FBXO21: variants seen among roughly 807,000 people sequenced by gnomAD.
The protein encoded by FBXO21 is F-box protein 21.
FBXO21 carries 32 observed loss-of-function variants against 76.6 expected under a neutral mutation model. That is an observed-to-expected ratio of 0.42 (90% CI 0.32 to 0.56). The LOEUF is 0.56. Among genes scored for constraint, FBXO21 ranks in the 20% least tolerant of loss-of-function variants. The probability of loss-of-function intolerance (pLI) is 0.16; values close to 1 mark genes in which losing one functional copy is unlikely to be tolerated. For missense variants in FBXO21, 586 were observed against 797.3 expected (o/e 0.73, Z 3.19); for synonymous variants, 328 against 311.5 (o/e 1.05, Z -0.56).
chr12:117,186,249 C>T (rs1956282701), intron 3 of FBXO21, among the ~76,000 whole-genome samples: 1 of 152,156 alleles, frequency 6.6e-6, no homozygotes, highest in South Asian at 2.1e-4. Flanking sequence ...CATAGTAGTG[C>T]TAAACATTAA....
At chr12:117,151,498 G>A (rs75987440) in intron 11 of FBXO21, among the ~76,000 whole-genome samples, 3,495 of 152,150 alleles carry the variant, frequency 0.023, 132 homozygotes, top group African/African-American at 0.08. Context: ...GTTCTACCTG[G>A]GCTAATAGGA....
At chr12:117,170,748 T>A (rs1457018609) in intron 7 of FBXO21, among the ~76,000 whole-genome samples, 2 of 152,234 alleles carry the variant, frequency 1.3e-5, no homozygotes, top group African/African-American at 4.8e-5. Flanking sequence ...CATACAATCC[T>A]ACCCTGTAGT....
rs141047469 is a variant in FBXO21, at chr12:117,185,909, G to A, written c.470+568C>T. On this transcript the variant is annotated intron_variant, in intron 3 of 11. Transcript: ENST00000622495. ...TTTTATGAGACGAAGTCTTGCTCTT[G>A]TCCCCCAGTCTGGAGTGCAATGGTG... is the stretch of plus-strand genomic sequence containing the variant. Among the ~76,000 whole-genome samples, 459 of 152,170 alleles carry A rather than the reference G, an allele frequency of 3.0e-3. 3 individuals are homozygous for A. The highest frequency in any genetic ancestry group is 0.011 in the African/African-American group (443 of 41,506).
At chr12:117,150,999 TG>T (rs1955836020) in intron 11 of FBXO21, among the ~76,000 whole-genome samples, 1 of 125,380 alleles carries the variant, frequency 8.0e-6, no homozygotes, top group South Asian at 2.6e-4. Flanking sequence ...TGTGTGTGTG[TG>T]TGTCGGGCGG....
chr12:117,181,639 A>ATCTG, intron 3 of FBXO21, among the ~76,000 whole-genome samples: 1 of 150,646 alleles, frequency 6.6e-6, no homozygotes, highest in Admixed American at 6.6e-5. Context: ...CTATCTATCT[A>ATCTG]TCTATCTAAT....
In FBXO21 at chr12:117,146,165, C is replaced by T. The variant is rs762203194; in HGVS notation, c.1788G>A (p.Arg596=). ...AGACAAACTCCAGATCTTCTGGATA[C>T]CGGATCTCCAGCTCTGCGTTTGGGA... ...HYIPNAELEI[R]YPEDLEFVYE... The change falls in exon 12 of 12, where the codon CGG becomes CGA. Residue 596 remains arginine (R), a synonymous_variant. Coordinates refer to ENST00000622495, the MANE Select transcript of FBXO21 (RefSeq NM_015002.3). 6.2e-7 allele frequency: 1 copy of T among 1,613,834 alleles called. No homozygotes were observed.
intron 1 of FBXO21, among the ~76,000 whole-genome samples, chr12:117,189,885 G>C (rs1013679358): frequency 2.6e-5 from 4 of 152,162 alleles, no homozygotes; most frequent in Admixed American, 6.5e-5. Context: ...CCGCCCGATC[G>C]ATGCATCACT....
chr12:117,182,562 A>AT (rs1162348126), intron 3 of FBXO21, among the ~76,000 whole-genome samples: 12 of 81,326 alleles, frequency 1.5e-4, no homozygotes, highest in African/African-American at 4.1e-4. Flanking sequence ...CAGCAAGAGG[A>AT]TCTTTTTTTT....
chr12:117,158,228 T>C, intron 9 of FBXO21, 165 bp from the exon 10 acceptor site: 1 of 709,642 alleles, frequency 1.4e-6, no homozygotes, highest in Non-Finnish European at 2.4e-6. Flanking sequence ...CATCCTCTGA[T>C]GGACCGCCAC....
intron 9 of FBXO21, among the ~76,000 whole-genome samples, chr12:117,161,135 C>T (rs981436620): frequency 2.6e-5 from 4 of 151,954 alleles, no homozygotes; most frequent in African/African-American, 4.8e-5. Flanking sequence ...ACAGGAACGA[C>T]GGGAAAACAT....
At chr12:117,169,494 AT>A (rs1437671837) in intron 7 of FBXO21, among the ~76,000 whole-genome samples, 1 of 152,228 alleles carries the variant, frequency 6.6e-6, no homozygotes, top group African/African-American at 2.4e-5. Context: ...CAACAAAAAA[AT>A]ATACTTCTAA....
At chr12:117,157,827 C>T (rs995938340) in intron 10 of FBXO21, 46 bp downstream of exon 10, 17 of 1,503,528 alleles carry the variant, frequency 1.1e-5, no homozygotes, top group Admixed American at 3.8e-5. Flanking sequence ...GTCTCTGCAG[C>T]CCCTCTGGAA....
At chr12:117,188,167 TAAATA>T (rs747026592) in intron 2 of FBXO21, among the ~76,000 whole-genome samples, 66 of 152,054 alleles carry the variant, frequency 4.3e-4, no homozygotes, top group Non-Finnish European at 8.8e-4. Context: ...CAACCAGAAA[TAAATA>T]TCGAATAGTT....
At chr12:117,159,082 T>C (rs1057085943) in intron 9 of FBXO21, among the ~76,000 whole-genome samples, 1 of 152,186 alleles carries the variant, frequency 6.6e-6, no homozygotes, top group Non-Finnish European at 1.5e-5. Context: ...GTAATCACTG[T>C]CCTATTTGCT....
At position 117,158,034 on chromosome 12, in the gene FBXO21, G is replaced by A; in HGVS notation, c.1356C>T (p.Thr452=). Residue 452 remains threonine, a synonymous_variant, in exon 10 of 12, where the codon ACC becomes ACT. Coordinates refer to ENST00000622495, the MANE Select transcript of FBXO21 (RefSeq NM_015002.3). ...CCGCCCCGTGCTGCCCCGGGTCTAG[G>A]GTTTGGATGTGCTGGAGGATGTCAA... ...KVLDILQHIQ[T]LDPGQHGAVG... is the part of the protein sequence containing the mutation. 1 of 1,614,234 alleles carries A rather than the reference G, an allele frequency of 6.2e-7. No individual in the cohort carries two copies. The highest frequency in any genetic ancestry group is 1.1e-5 in the South Asian group (1 of 91,082).
intron 6 of FBXO21, 54 bp from the exon 7 acceptor site, chr12:117,172,661 C>A (rs904324904): frequency 3.8e-6 from 6 of 1,569,590 alleles, no homozygotes; most frequent in Non-Finnish European, 5.2e-6. Flanking sequence ...CGTTCTCATT[C>A]TTTCAATAAA....
chr12:117,172,206 C>T (rs1244876195), intron 7 of FBXO21, among the ~76,000 whole-genome samples: 1 of 152,208 alleles, frequency 6.6e-6, no homozygotes, highest in Non-Finnish European at 1.5e-5. Context: ...TGTAGATTCA[C>T]ACATGCAGTT....
chr12:117,177,333 C>G (rs1956185852), intron 4 of FBXO21, among the ~76,000 whole-genome samples, 187 bp downstream of exon 4: 1 of 152,154 alleles, frequency 6.6e-6, no homozygotes, highest in African/African-American at 2.4e-5. Flanking sequence ...AAAATCTTAG[C>G]TCTAAATTTA....
chr12:117,169,425 A>G (rs1333093076), intron 7 of FBXO21, among the ~76,000 whole-genome samples: 1 of 152,242 alleles, frequency 6.6e-6, no homozygotes, highest in African/African-American at 2.4e-5. Flanking sequence ...AAGTTTACCT[A>G]TGTAACAAAC....
Sources: gnomAD v4.1 joint callset for allele counts (sites outside exome capture counted in the v4.1 genomes callset) on GRCh38, gnomAD v4.1.1 for gene constraint, MANE v1.5 for transcripts, NCBI Gene and HGNC (gene_info 2026-07-23, HGNC 2026-07-21) for gene names.